Variants in DGKB observed in about 807,000 individuals in gnomAD.
DGKB encodes diacylglycerol kinase beta.
In DGKB, 67 loss-of-function variants were observed where a neutral mutation model predicts 114.3. The ratio of observed to expected loss-of-function variants is 0.59; its 90% CI spans 0.48 to 0.72. The LOEUF is 0.72. DGKB is among the 30% of genes least tolerant of loss of function. The pLI is 0.00. For missense variants in DGKB, 907 were observed against 975.2 expected (o/e 0.93, Z 0.93); for synonymous variants, 398 against 323.1 (o/e 1.23, Z -2.49).
intron 4 of DGKB, among the ~76,000 whole-genome samples, chr7:14,751,272 A>G (rs1355541220): frequency 2.0e-5 from 3 of 152,226 alleles, no homozygotes; most frequent in Non-Finnish European, 4.4e-5. Context: ...TAACTTCTAT[A>G]TCAATTGTTT....
chr7:14,372,138 G>T (rs1451591318), intron 21 of DGKB, among the ~76,000 whole-genome samples: 1 of 152,070 alleles, frequency 6.6e-6, no homozygotes, highest in Admixed American at 6.6e-5. Context: ...CTTGGTCTAG[G>T]TTGCTCAGAT....
At chr7:14,440,262 A>G (rs1038592122) in intron 21 of DGKB, among the ~76,000 whole-genome samples, 3 of 152,122 alleles carry the variant, frequency 2.0e-5, no homozygotes, top group African/African-American at 4.8e-5. Flanking sequence ...TGCCCTCAGC[A>G]TTCCTTCTTG....
intron 23 of DGKB, among the ~76,000 whole-genome samples, chr7:14,199,684 A>C (rs974229804): frequency 6.6e-6 from 1 of 152,086 alleles, no homozygotes; most frequent in South Asian, 2.1e-4. Context: ...ACAAAGCTTC[A>C]CTATAACTGG....
intron 6 of DGKB, among the ~76,000 whole-genome samples, chr7:14,705,938 A>T (rs1229526455): frequency 6.6e-6 from 1 of 152,114 alleles, no homozygotes; most frequent in African/African-American, 2.4e-5. Context: ...TAACATCATG[A>T]TGACAGGATC....
chr7:14,170,153 GA>G lies in DGKB; in HGVS notation c.2304+6685del, dbSNP rs1225298609. 1.9e-4 allele frequency among the ~76,000 whole-genome samples: 9 copies of G among 47,562 alleles called. No individual in the cohort carries two copies. In the East Asian group the frequency reaches 4.3e-3, roughly 23 times the overall value. 31.2% of individuals were successfully genotyped at this position (47,562 alleles called of 152,430 possible). A position where few individuals can be genotyped will look rare whatever the true frequency, so the allele number is the denominator to read the frequency against. On this transcript the variant is annotated intron_variant, in intron 25 of 25. Coordinates refer to ENST00000402815, the MANE Select transcript of DGKB (RefSeq NM_001350709.2). ...CCATCTCAAAAAAAAAAAAAAGAAA[GA>G]AAGAAAGAAAGAAAGAAAGAAAGAA... is the stretch of plus-strand genomic sequence containing the variant.
intron 21 of DGKB, among the ~76,000 whole-genome samples, chr7:14,457,479 T>G (rs1295867835): frequency 6.6e-6 from 1 of 152,222 alleles, no homozygotes; most frequent in African/African-American, 2.4e-5. Flanking sequence ...TATTAATTGC[T>G]ATATTAAAGC....
At chr7:14,948,618 G>A (rs74702507) in intron 1 of DGKB, among the ~76,000 whole-genome samples, 44 of 151,924 alleles carry the variant, frequency 2.9e-4, no homozygotes, top group African/African-American at 1.0e-3. Flanking sequence ...AAACTTGTCA[G>A]TAGCATCTCT....
chr7:14,731,934 T>A (rs1020372286), intron 5 of DGKB, among the ~76,000 whole-genome samples: 1 of 152,120 alleles, frequency 6.6e-6, no homozygotes, highest in Non-Finnish European at 1.5e-5. Flanking sequence ...ACAGTAGTAG[T>A]GACATCATTT....
At chr7:14,658,555 T>C (rs532679122) in intron 13 of DGKB, among the ~76,000 whole-genome samples, 20 of 151,946 alleles carry the variant, frequency 1.3e-4, no homozygotes, top group African/African-American at 3.9e-4. Context: ...TGTTTCAAAA[T>C]AGCTGGAAGA....
chr7:14,494,804 T>A (rs1013649131), intron 20 of DGKB, among the ~76,000 whole-genome samples: 3 of 151,916 alleles, frequency 2.0e-5, no homozygotes, highest in African/African-American at 7.2e-5. Context: ...TATTTCAAAT[T>A]GTATGTCTTT....
chr7:14,798,500 T>G (rs1192726376), intron 2 of DGKB, among the ~76,000 whole-genome samples: 1 of 152,244 alleles, frequency 6.6e-6, no homozygotes, highest in Non-Finnish European at 1.5e-5. Context: ...TTGATAAATT[T>G]GTATACTTTC....
At chr7:14,406,465 A>T (rs1823944804) in intron 21 of DGKB, among the ~76,000 whole-genome samples, 3 of 152,048 alleles carry the variant, frequency 2.0e-5, no homozygotes, top group Admixed American at 6.6e-5. Flanking sequence ...AAATGAAGAT[A>T]TTAGAAAAAA....
At chr7:14,667,166 C>T (rs1248186571) in intron 13 of DGKB, among the ~76,000 whole-genome samples, 6 of 151,922 alleles carry the variant, frequency 3.9e-5, no homozygotes, top group Admixed American at 6.6e-5. Flanking sequence ...AATCATTAAC[C>T]TACAGCTTAT....
intron 13 of DGKB, among the ~76,000 whole-genome samples, chr7:14,672,710 C>A (rs891623862): frequency 1.3e-5 from 2 of 151,974 alleles, no homozygotes; most frequent in African/African-American, 4.8e-5. Context: ...CCTGAGTCAG[C>A]GTCATTTCAA....
intron 10 of DGKB, among the ~76,000 whole-genome samples, chr7:14,683,274 T>C (rs899616829): frequency 6.6e-6 from 1 of 152,134 alleles, no homozygotes; most frequent in Non-Finnish European, 1.5e-5. Context: ...TTATGTTATT[T>C]TGTCTCTTAT....
At chr7:14,170,151 AAG>A (rs1491128159) in intron 25 of DGKB, among the ~76,000 whole-genome samples, 10,392 of 68,270 alleles carry the variant, frequency 0.15, 959 homozygotes, top group Admixed American at 0.25. Flanking sequence ...AAAAAAAAGA[AAG>A]AAAGAAAGAA....
At chr7:14,535,256 C>G (rs926666917) in intron 20 of DGKB, among the ~76,000 whole-genome samples, 1 of 151,810 alleles carries the variant, frequency 6.6e-6, no homozygotes, top group East Asian at 1.9e-4. Flanking sequence ...GTAGTTCCAG[C>G]TACTCAGGAG....
chr7:14,809,151 G>C (rs1445044710), intron 2 of DGKB, among the ~76,000 whole-genome samples: 1 of 151,978 alleles, frequency 6.6e-6, no homozygotes, highest in Non-Finnish European at 1.5e-5. Flanking sequence ...CATGTGATCA[G>C]AATATCTCAA....
intron 14 of DGKB, 52 bp from the exon 15 acceptor site, chr7:14,621,546 AAAATG>A: frequency 8.9e-7 from 1 of 1,120,360 alleles, no homozygotes; most frequent in Non-Finnish European, 1.3e-6. Context: ...ATAACATAAT[AAAATG>A]TTAAGTTGTT....
Sources: gnomAD v4.1 joint callset for allele counts (sites outside exome capture counted in the v4.1 genomes callset) on GRCh38, gnomAD v4.1.1 for gene constraint, MANE v1.5 for transcripts, NCBI Gene and HGNC (gene_info 2026-07-23, HGNC 2026-07-21) for gene names.